The following SLC26A8 variants were observed in gnomAD, a reference collection of about 807,000 sequenced individuals.
SLC26A8 encodes the protein testis anion transporter 1.
Under a neutral mutation model 105.0 loss-of-function variants are expected in SLC26A8, and 70 were observed. That is an observed-to-expected ratio of 0.67 (90% CI 0.55 to 0.81). SLC26A8 has a LOEUF of 0.81. Ranked by LOEUF, SLC26A8 falls within the 40% of genes least tolerant of loss-of-function variation. SLC26A8 has a pLI of 0.00. For synonymous variants in SLC26A8, 415 were observed against 438.3 expected, an observed-to-expected ratio of 0.95 and a Z score of 0.66; for missense variants, 998 against 1,181.8, an observed-to-expected ratio of 0.84 and a Z score of 2.28.
chr6:35,962,217 C>T (rs1772333123), intron 12 of SLC26A8, among the ~76,000 whole-genome samples: 1 of 134,582 alleles, frequency 7.4e-6, no homozygotes. Context: ...CAGAGTGAGA[C>T]TCCGTCTCAA....
Position 35,968,782 on chromosome 6 carries a change from C to G in SLC26A8, c.1365+95G>C, listed in dbSNP as rs572935624. ...ATTCTCCTCGGAGATGCCCGCCCCC[C>G]CGCCCCCAGCCCCTTACCCCCCGCA... On this transcript the variant is annotated intron_variant, in intron 11 of 19. Transcript: ENST00000490799. 9.5e-5 allele frequency: 12 copies of G among 125,748 alleles called. No homozygotes were observed. In the South Asian group the frequency reaches 3.5e-3, roughly 36 times the overall value. 7.8% of individuals were successfully genotyped at this position (125,748 alleles called of 1,614,324 possible). A position where few individuals can be genotyped will look rare whatever the true frequency, so the allele number is the denominator to read the frequency against.
intron 2 of SLC26A8, among the ~76,000 whole-genome samples, 197 bp from the exon 3 acceptor site, chr6:36,012,569 G>A (rs890551949): frequency 5.3e-5 from 8 of 151,696 alleles, no homozygotes; most frequent in East Asian, 3.9e-4. Context: ...AGCATCCCTC[G>A]TCTCTACACA....
rs1772013235 is a variant in SLC26A8, at chr6:35,955,247, A to T, written c.2137T>A (p.Ser713Thr). ...ACACTGGGCAGTAGAGACGCATCTG[A>T]GTAAGGGATGAGTGATCTCCTCCCC... Reference protein sequence around the residue: ...SQGRRSLIPYSDASLLPSVHT... With the variant: ...SQGRRSLIPYTDASLLPSVHT... The change falls in exon 17 of 20, where the codon TCA (serine) becomes ACA (threonine). Residue 713 changes from serine (S) to threonine (T), a missense_variant. Coordinates refer to ENST00000490799, the MANE Select transcript of SLC26A8 (RefSeq NM_052961.4). 6.2e-7 allele frequency: 1 copy of T among 1,614,052 alleles called. No homozygotes were observed. The highest frequency in any genetic ancestry group is 1.7e-5 in the Admixed American group (1 of 60,000).
intron 17 of SLC26A8, 120 bp downstream of exon 17, chr6:35,955,031 TG>T (rs1396385142): frequency 8.7e-7 from 1 of 1,143,318 alleles, no homozygotes; most frequent in East Asian, 2.4e-5. Flanking sequence ...TCCAAGGCTC[TG>T]GTGGCCTAGC....
At chr6:35,997,434 G>A (rs945168477) in intron 5 of SLC26A8, among the ~76,000 whole-genome samples, 4 of 152,130 alleles carry the variant, frequency 2.6e-5, no homozygotes, top group Admixed American at 1.3e-4. Context: ...ACTGGTCCCC[G>A]GTTTCAAAAA....
chr6:35,973,389 C>A (rs538238065), intron 10 of SLC26A8, among the ~76,000 whole-genome samples: 27 of 152,282 alleles, frequency 1.8e-4, no homozygotes, highest in African/African-American at 6.3e-4. Flanking sequence ...AGCTCTGTGA[C>A]AAACAAAACT....
intron 2 of SLC26A8, among the ~76,000 whole-genome samples, chr6:36,017,796 C>T (rs1762034677): frequency 6.6e-6 from 1 of 152,068 alleles, no homozygotes; most frequent in African/African-American, 2.4e-5. Context: ...ATCCAGAATA[C>T]ATGAAGAACT....
intron 8 of SLC26A8, among the ~76,000 whole-genome samples, chr6:35,979,007 A>ATTCTCTTTT (rs1773160644): frequency 1.0e-5 from 1 of 98,306 alleles, no homozygotes; most frequent in Non-Finnish European, 2.0e-5. Context: ...CACCTGGCTA[A>ATTCTCTTTT]TTTTTTTTTT....
chr6:36,023,303 C>A (rs1017315458), intron 1 of SLC26A8, among the ~76,000 whole-genome samples: 1 of 151,938 alleles, frequency 6.6e-6, no homozygotes, highest in Non-Finnish European at 1.5e-5. Context: ...AATCCCAGCA[C>A]TTTGGAAGGC....
At chr6:35,994,347 C>G (rs990763161) in intron 5 of SLC26A8, among the ~76,000 whole-genome samples, 2 of 151,892 alleles carry the variant, frequency 1.3e-5, no homozygotes, top group Non-Finnish European at 2.9e-5. Flanking sequence ...ATCTCCTGAC[C>G]TTGTGATCCG....
intron 14 of SLC26A8, chr6:35,960,419 G>C (rs1417585970): frequency 5.6e-6 from 1 of 177,938 alleles, no homozygotes. Flanking sequence ...ACTCTAGAAG[G>C]CTGAGGCAAG....
At position 35,959,602 on chromosome 6, in the gene SLC26A8, T is replaced by C; in HGVS notation, c.1732-11A>G. On this transcript the variant is annotated splice_polypyrimidine_tract_variant and intron_variant, in intron 15 of 19. Transcript: ENST00000490799. ...CTTTACCATATCAACCTGAAAGACA[T>C]GAGAGGTCTCATCCAGAGGAAGAAT... is the stretch of plus-strand genomic sequence containing the variant. 1 of 1,611,574 alleles carries C rather than the reference T, an allele frequency of 6.2e-7. No individual in the cohort carries two copies. The highest frequency in any genetic ancestry group is 1.3e-5 in the African/African-American group (1 of 74,820).
In SLC26A8 at chr6:36,024,070, G is replaced by A. The variant is rs143372973; in HGVS notation, c.-3+434C>T. The stretch of plus-strand genomic sequence containing the variant: ...CGGCATTTGACATGAAAAGAAAGGG[G>A]CAAGGAGGTGGGGGTGGGGATTCAG... On this transcript the variant is annotated intron_variant, in intron 1 of 19. Coordinates refer to ENST00000490799, the MANE Select transcript of SLC26A8 (RefSeq NM_052961.4). 2.1e-3 allele frequency among the ~76,000 whole-genome samples: 323 copies of A among 151,440 alleles called. 1 individual carries two copies. Among genetic ancestry groups the A allele is most frequent in the African/African-American group, 7.4e-3 (307 of 41,232 alleles).
chr6:35,950,909 G>A (rs1355872914), intron 19 of SLC26A8, among the ~76,000 whole-genome samples: 1 of 152,164 alleles, frequency 6.6e-6, no homozygotes, highest in South Asian at 2.1e-4. Context: ...TTCAGTTAGG[G>A]AAATTTCTTG....
chr6:36,019,804 T>G (rs1391295392), intron 1 of SLC26A8, 95 bp from the exon 2 acceptor site: 5 of 1,163,098 alleles, frequency 4.3e-6, no homozygotes, highest in Non-Finnish European at 5.9e-6. Flanking sequence ...TATAATAATG[T>G]TTTACACTTG....
At chr6:35,953,938 G>C (rs1407320427) in intron 17 of SLC26A8, among the ~76,000 whole-genome samples, 4 of 152,138 alleles carry the variant, frequency 2.6e-5, no homozygotes, top group East Asian at 3.9e-4. Flanking sequence ...TGACAAAATA[G>C]GTTCTGAGGA....
chr6:36,012,459 A>T, intron 2 of SLC26A8, 87 bp from the exon 3 acceptor site: 1 of 1,431,544 alleles, frequency 7.0e-7, no homozygotes, highest in Non-Finnish European at 9.4e-7. Flanking sequence ...CCACATAGCC[A>T]AGAAAAAGTA....
At chr6:35,958,205 GC>G (rs1772165070) in intron 16 of SLC26A8, among the ~76,000 whole-genome samples, 1 of 152,150 alleles carries the variant, frequency 6.6e-6, no homozygotes, top group Non-Finnish European at 1.5e-5. Flanking sequence ...TGTCTTAAGA[GC>G]TGTTAGAATC....
intron 5 of SLC26A8, 84 bp downstream of exon 5, chr6:35,997,654 A>G: frequency 7.6e-7 from 1 of 1,322,462 alleles, no homozygotes; most frequent in Non-Finnish European, 1.0e-6. Flanking sequence ...ATCACAGTGG[A>G]TCACAGGAGC....
Sources: gnomAD v4.1 joint callset for allele counts (sites outside exome capture counted in the v4.1 genomes callset) on GRCh38, gnomAD v4.1.1 for gene constraint, MANE v1.5 for transcripts, NCBI Gene and HGNC (gene_info 2026-07-23, HGNC 2026-07-21) for gene names.